The following SH3D19 variants were observed in gnomAD, a reference collection of about 807,000 sequenced individuals.
SH3D19 encodes SH3 domain containing 19, also known as SH3 domain-containing protein 19.
A neutral mutation model predicts 112.1 loss-of-function variants in SH3D19; 58 were observed. The observed-to-expected ratio is 0.52, with a 90% CI of 0.42 to 0.64. The LOEUF is 0.64. Ranked by LOEUF, SH3D19 falls within the 30% of genes least tolerant of loss-of-function variation. SH3D19 has a pLI of 0.00. For missense variants in SH3D19, 1,090 were observed against 1,263.4 expected (o/e 0.86, Z 2.08); for synonymous variants, 391 against 448.5 (o/e 0.87, Z 1.62).
intron 2 of SH3D19, among the ~76,000 whole-genome samples, chr4:151,221,219 C>CAA (rs1561369374): frequency 1.3e-5 from 2 of 152,228 alleles, no homozygotes; most frequent in Non-Finnish European, 2.9e-5. Flanking sequence ...TCTAAAAACA[C>CAA]AAACAAGAGA....
At chr4:151,279,868 AG>A in intron 1 of SH3D19, 1 of 1,613,830 alleles carries the variant, frequency 6.2e-7, no homozygotes, top group African/African-American at 1.3e-5. Context: ...TGGCCTTGGC[AG>A]GTCAGCCTAC....
At chr4:151,157,898 T>C (rs1433179832) in intron 9 of SH3D19, among the ~76,000 whole-genome samples, 21 of 151,634 alleles carry the variant, frequency 1.4e-4, no homozygotes, top group Admixed American at 1.3e-3. Flanking sequence ...GTTGATCTCA[T>C]AGAAATAAAA....
intron 2 of SH3D19, among the ~76,000 whole-genome samples, chr4:151,189,648 C>T (rs959304736): frequency 1.4e-4 from 22 of 152,130 alleles, no homozygotes; most frequent in African/African-American, 4.6e-4. Context: ...TCTTGTCTGC[C>T]GCCTTGTGAG....
At chr4:151,324,479 A>G (rs772166174) in intron 1 of SH3D19, among the ~76,000 whole-genome samples, 2 of 152,164 alleles carry the variant, frequency 1.3e-5, no homozygotes, top group Non-Finnish European at 2.9e-5. Flanking sequence ...AGTTGGAACC[A>G]AAGGCCAAAG....
At chr4:151,255,481 G>A (rs1260284201) in intron 1 of SH3D19, among the ~76,000 whole-genome samples, 3 of 151,878 alleles carry the variant, frequency 2.0e-5, no homozygotes, top group Admixed American at 6.6e-5. Context: ...CGGCCGGGAA[G>A]AGGTGCTTCT....
intron 12 of SH3D19, among the ~76,000 whole-genome samples, chr4:151,143,629 TG>T (rs1214377555): frequency 6.6e-6 from 1 of 150,498 alleles, no homozygotes; most frequent in African/African-American, 2.5e-5. Flanking sequence ...TTTTTTTATT[TG>T]TTTTTTTTTT....
chr4:151,206,029 A>G (rs1420019979), intron 2 of SH3D19, among the ~76,000 whole-genome samples: 1 of 152,092 alleles, frequency 6.6e-6, no homozygotes, highest in Non-Finnish European at 1.5e-5. Context: ...CACACACAAA[A>G]CACATTAGGT....
chr4:151,320,697 T>G (rs1040649244), intron 1 of SH3D19, among the ~76,000 whole-genome samples: 1 of 151,748 alleles, frequency 6.6e-6, no homozygotes, highest in Non-Finnish European at 1.5e-5. Context: ...CAATAAAAAA[T>G]AATAGGCAAA....
intron 1 of SH3D19, among the ~76,000 whole-genome samples, chr4:151,231,418 T>C (rs998517748): frequency 1.3e-5 from 2 of 152,188 alleles, no homozygotes; most frequent in African/African-American, 4.8e-5. Context: ...GCAGTGCTCA[T>C]TCTACAAAGT....
intron 1 of SH3D19, among the ~76,000 whole-genome samples, chr4:151,271,803 G>T (rs1414109896): frequency 6.6e-6 from 1 of 152,136 alleles, no homozygotes; most frequent in Non-Finnish European, 1.5e-5. Flanking sequence ...CCAAACCCAA[G>T]CTAAGTATTA....
In SH3D19 at chr4:151,296,450, G is replaced by A. The variant is rs986693418; in HGVS notation, c.112+28791C>T. Reference sequence around the variant, plus strand: ...AGGGAGCCACTCGGAGTTGGCAGGCGGCCACCCAGTGTACACTTAAGAGCC... The same window carrying A: ...AGGGAGCCACTCGGAGTTGGCAGGCAGCCACCCAGTGTACACTTAAGAGCC... On this transcript the variant is annotated intron_variant, in intron 1 of 19. Transcript: ENST00000604030. 9.9e-5 allele frequency among the ~76,000 whole-genome samples: 15 copies of A among 152,138 alleles called. No individual in the cohort carries two copies. In the Middle Eastern group the frequency reaches 0.01, roughly 103 times the overall value.
chr4:151,224,371 A>G (rs990188664), intron 2 of SH3D19, among the ~76,000 whole-genome samples: 5 of 152,178 alleles, frequency 3.3e-5, no homozygotes, highest in African/African-American at 1.2e-4. Context: ...AACTTCTTTC[A>G]GTGTAATCAA....
At chr4:151,253,041 C>T (rs1439085270) in intron 1 of SH3D19, among the ~76,000 whole-genome samples, 1 of 152,190 alleles carries the variant, frequency 6.6e-6, no homozygotes, top group East Asian at 1.9e-4. Context: ...TATCCCTGAC[C>T]ATTATCAATC....
chr4:151,278,096 A>G (rs566356904), intron 1 of SH3D19, among the ~76,000 whole-genome samples: 11 of 152,300 alleles, frequency 7.2e-5, no homozygotes, highest in African/African-American at 2.4e-4. Flanking sequence ...GGTAGCAAAG[A>G]AGAAAGATAC....
intron 1 of SH3D19, chr4:151,262,581 A>C (rs1394197559): frequency 6.6e-6 from 1 of 152,148 alleles, no homozygotes; most frequent in Non-Finnish European, 1.5e-5. Context: ...TGAACCCAGG[A>C]GTGTCTGGAC....
At chr4:151,134,038 T>C (rs1365245691) in intron 15 of SH3D19, among the ~76,000 whole-genome samples, 1 of 152,206 alleles carries the variant, frequency 6.6e-6, no homozygotes, top group Non-Finnish European at 1.5e-5. Flanking sequence ...CTAGCTTTAA[T>C]AGAATTCTGA....
At chr4:151,295,247 A>C (rs1266272904) in intron 1 of SH3D19, among the ~76,000 whole-genome samples, 1 of 152,228 alleles carries the variant, frequency 6.6e-6, no homozygotes, top group Non-Finnish European at 1.5e-5. Context: ...GCTCATGGGA[A>C]TATGCAGAGG....
chr4:151,132,404 A>C, intron 16 of SH3D19, 21 bp from the exon 17 acceptor site: 1 of 1,610,526 alleles, frequency 6.2e-7, no homozygotes, highest in South Asian at 1.1e-5. Context: ...AAAACAAACA[A>C]ACACAAGAAG....
At chr4:151,322,866 T>A (rs533617713) in intron 1 of SH3D19, among the ~76,000 whole-genome samples, 2 of 152,256 alleles carry the variant, frequency 1.3e-5, no homozygotes, top group East Asian at 3.9e-4. Flanking sequence ...ACTTAAATGA[T>A]CTTAAAAAGG....
Sources: gnomAD v4.1 joint callset for allele counts (sites outside exome capture counted in the v4.1 genomes callset) on GRCh38, gnomAD v4.1.1 for gene constraint, MANE v1.5 for transcripts, NCBI Gene and HGNC (gene_info 2026-07-23, HGNC 2026-07-21) for gene names.